ADGRB3: variants seen among roughly 807,000 people sequenced by gnomAD.
The protein encoded by ADGRB3 is brain-specific angiogenesis inhibitor 3.
Under a neutral mutation model 193.4 loss-of-function variants are expected in ADGRB3, and 37 were observed. The ratio of observed to expected loss-of-function variants is 0.19; its 90% CI spans 0.15 to 0.25. The LOEUF is 0.25. ADGRB3 is among the 10% of genes least tolerant of loss of function. The pLI is 1.00. For missense variants in ADGRB3, 1,637 were observed against 1,852.9 expected (o/e 0.88, Z 2.14); for synonymous variants, 690 against 644.2 (o/e 1.07, Z -1.08).
chr6:69,164,587 C>T (rs1775083800), intron 17 of ADGRB3, among the ~76,000 whole-genome samples: 1 of 152,008 alleles, frequency 6.6e-6, no homozygotes, highest in East Asian at 1.9e-4. Context: ...CAAGCATTAG[C>T]ACCAGCCTAG....
chr6:69,038,201 GC>G (rs1770929695), intron 13 of ADGRB3, among the ~76,000 whole-genome samples: 1 of 152,040 alleles, frequency 6.6e-6, no homozygotes, highest in African/African-American at 2.4e-5. Flanking sequence ...GTCTTGGGAA[GC>G]CCTTGTATTT....
At chr6:69,217,153 CGCAGATGT>C (rs1765787235) in intron 17 of ADGRB3, among the ~76,000 whole-genome samples, 1 of 152,036 alleles carries the variant, frequency 6.6e-6, no homozygotes, top group Non-Finnish European at 1.5e-5. Flanking sequence ...GAGTGGGTGG[CGCAGATGT>C]CTCACCCAAA....
chr6:68,637,868 A>G (rs374048920), intron 2 of ADGRB3, among the ~76,000 whole-genome samples: 1 of 151,616 alleles, frequency 6.6e-6, no homozygotes, highest in Admixed American at 6.6e-5. Context: ...CACTTTATGT[A>G]TCCCAAAAGG....
rs532946197 is a variant in ADGRB3 at position 68,897,773 on chromosome 6, A to G, written c.758-32786A>G. ...AGGGAGGGAGGAAAAGGGAGGGAGG[A>G]AGGAAGGAAGGAAGGGGGAAAGAGA... On this transcript the variant is annotated intron_variant, in intron 3 of 31. Coordinates refer to ENST00000370598, the MANE Select transcript of ADGRB3 (RefSeq NM_001704.3). Among the ~76,000 whole-genome samples the G allele has an allele frequency of 5.6e-3, 769 of 136,406 alleles. 3 individuals are homozygous for G. The highest frequency in any genetic ancestry group is 6.9e-3 in the Non-Finnish European group (450 of 65,302). 89.5% of individuals were successfully genotyped at this position (136,406 alleles called of 152,430 possible).
intron 17 of ADGRB3, among the ~76,000 whole-genome samples, chr6:69,139,566 T>C (rs1464828873): frequency 6.6e-6 from 1 of 152,204 alleles, no homozygotes. Flanking sequence ...ATATAGAAAA[T>C]GCAGAAAAGG....
At chr6:68,678,935 T>A (rs139635498) in intron 3 of ADGRB3, among the ~76,000 whole-genome samples, 1 of 152,298 alleles carries the variant, frequency 6.6e-6, no homozygotes, top group East Asian at 1.9e-4. Flanking sequence ...AGTTGTCCAA[T>A]GACTTACCTG....
chr6:69,119,973 A>G (rs1773638912), intron 17 of ADGRB3, among the ~76,000 whole-genome samples: 1 of 152,176 alleles, frequency 6.6e-6, no homozygotes, highest in Admixed American at 6.5e-5. Flanking sequence ...AGATGATGCC[A>G]TCTCTCTCAG....
intron 17 of ADGRB3, among the ~76,000 whole-genome samples, chr6:69,101,753 AG>A (rs1773061982): frequency 6.6e-6 from 1 of 152,056 alleles, no homozygotes; most frequent in Non-Finnish European, 1.5e-5. Context: ...CCTATAGGAT[AG>A]TATCATCCCT....
chr6:68,821,335 T>G lies in ADGRB3; in HGVS notation c.758-109224T>G, dbSNP rs1029531853. 2.6e-5 allele frequency among the ~76,000 whole-genome samples: 4 copies of G among 152,110 alleles called. No homozygotes were observed. In the East Asian group the frequency reaches 7.7e-4, roughly 29 times the overall value. On this transcript the variant is annotated intron_variant, in intron 3 of 31. Transcript: ENST00000370598. ...GGGATTTTACATAAGCGTAAATTAC[T>G]TTACATAAGTACAATGTAGATTTTA...
chr6:68,886,103 T>C (rs1582284606), intron 3 of ADGRB3, among the ~76,000 whole-genome samples: 2 of 152,194 alleles, frequency 1.3e-5, no homozygotes, highest in South Asian at 2.1e-4. Context: ...ATTTAATCAA[T>C]TTGCTTGTTA....
chr6:69,077,633 A>G (rs1466972578), intron 17 of ADGRB3, among the ~76,000 whole-genome samples: 4 of 151,938 alleles, frequency 2.6e-5, no homozygotes, highest in African/African-American at 4.8e-5. Flanking sequence ...TTATCAAACT[A>G]TTGGTTTCTG....
intron 11 of ADGRB3, among the ~76,000 whole-genome samples, chr6:68,995,444 T>G (rs1041094967): frequency 6.6e-6 from 1 of 152,230 alleles, no homozygotes; most frequent in Non-Finnish European, 1.5e-5. Context: ...GAAATTAATG[T>G]GACCAGTTTA....
chr6:68,742,182 A>C (rs1264111981), intron 3 of ADGRB3, among the ~76,000 whole-genome samples: 1 of 152,196 alleles, frequency 6.6e-6, no homozygotes, highest in East Asian at 1.9e-4. Context: ...TTTTCTCCCC[A>C]GTCTTATCAC....
At chr6:68,987,462 T>C (rs1018542196) in intron 10 of ADGRB3, among the ~76,000 whole-genome samples, 6 of 152,164 alleles carry the variant, frequency 3.9e-5, no homozygotes, top group African/African-American at 1.4e-4. Context: ...ATGAAAAAGA[T>C]TGAATTTCTC....
chr6:68,916,952 AAGG>A (rs1766898056), intron 3 of ADGRB3, among the ~76,000 whole-genome samples: 1 of 152,166 alleles, frequency 6.6e-6, no homozygotes, highest in South Asian at 2.1e-4. Flanking sequence ...TTACCTTGTA[AAGG>A]ATCTGTCCCT....
At chr6:68,853,733 A>G (rs1043986628) in intron 3 of ADGRB3, among the ~76,000 whole-genome samples, 6 of 152,120 alleles carry the variant, frequency 3.9e-5, no homozygotes, top group Non-Finnish European at 8.8e-5. Context: ...GTTCTAACTT[A>G]CTCAGACTTG....
chr6:69,014,177 G>A (rs1336655), intron 12 of ADGRB3, 71 bp downstream of exon 12: 446,588 of 1,068,764 alleles, frequency 0.42, 99,017 homozygotes, highest in Middle Eastern at 0.5. Context: ...CTAAATTAAT[G>A]GCTTGCTATT....
At chr6:68,831,589 G>A (rs1007238593) in intron 3 of ADGRB3, among the ~76,000 whole-genome samples, 3 of 152,106 alleles carry the variant, frequency 2.0e-5, no homozygotes, top group East Asian at 1.9e-4. Context: ...AGAGCTTGTG[G>A]GTGAGGAAAC....
At chr6:69,249,051 C>T (rs994592193) in intron 20 of ADGRB3, among the ~76,000 whole-genome samples, 2 of 152,166 alleles carry the variant, frequency 1.3e-5, no homozygotes, top group African/African-American at 2.4e-5. Flanking sequence ...GATCTTGGCT[C>T]ACTGAAACCT....
Sources: allele counts gnomAD v4.1 joint callset (sites outside exome capture counted in the v4.1 genomes callset), GRCh38; gene constraint gnomAD v4.1.1; transcripts MANE v1.5; gene names NCBI Gene and HGNC (gene_info 2026-07-23, HGNC 2026-07-21).